Variants in PATJ observed in about 807,000 individuals in gnomAD.
PATJ encodes the protein PATJ crumbs cell polarity complex component.
PATJ carries 190 observed loss-of-function variants against 224.9 expected under a neutral mutation model. The ratio of observed to expected loss-of-function variants is 0.84; its 90% CI spans 0.75 to 0.95. The LOEUF is 0.95. PATJ is among the 40% of genes least tolerant of loss of function. The probability of loss-of-function intolerance (pLI) is 0.00; values close to 1 mark genes in which losing one functional copy is unlikely to be tolerated. For synonymous variants in PATJ, 769 were observed against 820.3 expected (o/e 0.94, Z 1.07); for missense variants, 2,121 against 2,270.3 (o/e 0.93, Z 1.34).
chr1:61,937,312 A>G (rs1677033851), intron 27 of PATJ, among the ~76,000 whole-genome samples: 1 of 152,072 alleles, frequency 6.6e-6, no homozygotes, highest in Non-Finnish European at 1.5e-5. Context: ...GGCTCACTGC[A>G]ACCTTGACCT....
At chr1:61,912,438 A>G (rs1224867073) in intron 25 of PATJ, among the ~76,000 whole-genome samples, 2 of 151,778 alleles carry the variant, frequency 1.3e-5, no homozygotes, top group Admixed American at 6.6e-5. Flanking sequence ...TATTAAAAAT[A>G]GAAAAAGTAG....
At chr1:61,769,167 A>T in intron 4 of PATJ, 116 bp from the exon 5 acceptor site, 1 of 870,686 alleles carries the variant, frequency 1.1e-6, no homozygotes, top group Non-Finnish European at 1.7e-6. Flanking sequence ...TGAAATGCTG[A>T]GTTTATGTGG....
chr1:61,956,914 C>G (rs1257435690), intron 27 of PATJ, among the ~76,000 whole-genome samples: 1 of 152,200 alleles, frequency 6.6e-6, no homozygotes, highest in Non-Finnish European at 1.5e-5. Flanking sequence ...TCACAGATCA[C>G]AGAACCTGCA....
At position 62,073,380 on chromosome 1, in the gene PATJ, T is replaced by C. The variant is rs1006021448; in HGVS notation, c.4126-6070T>C. 3.2e-6 allele frequency: 3 copies of C among 951,884 alleles called. No individual in the cohort carries two copies. The African/African-American group carries it at 5.3e-5, about 17-fold the overall frequency. The allele number at this position is 951,884 out of a possible 1,614,324, so 59.0% of individuals were successfully genotyped here. A position where few individuals can be genotyped will look rare whatever the true frequency, so the allele number is the denominator to read the frequency against. On this transcript the variant is annotated intron_variant, in intron 31 of 43. Coordinates refer to ENST00000642238, the MANE Select transcript of PATJ (RefSeq NM_001350145.3). ...GCTCATGCTTGTAATCCCACCACTT[T>C]GGGAGGCCAAGGCAGGCAGATTGCT... is the stretch of plus-strand genomic sequence containing the variant.
intron 31 of PATJ, among the ~76,000 whole-genome samples, chr1:62,071,506 T>A (rs1281971687): frequency 6.6e-6 from 1 of 150,390 alleles, no homozygotes; most frequent in Non-Finnish European, 1.5e-5. Context: ...TTTTTTTTTT[T>A]TTTTGAGACA....
intron 15 of PATJ, among the ~76,000 whole-genome samples, chr1:61,823,401 G>T (rs1286813): frequency 1.3e-5 from 2 of 151,952 alleles, no homozygotes; most frequent in Admixed American, 6.5e-5. Flanking sequence ...TTTATTTGCA[G>T]GTTTTATTGA....
chr1:61,813,009 C>T (rs1655172131), intron 14 of PATJ, among the ~76,000 whole-genome samples: 1 of 151,840 alleles, frequency 6.6e-6, no homozygotes, highest in Non-Finnish European at 1.5e-5. Context: ...TCCTGATTAG[C>T]TTTTTAGCCT....
chr1:61,756,563 CTT>C lies in PATJ; in HGVS notation c.-35-6271_-35-6270del, dbSNP rs370667808. On this transcript the variant is annotated intron_variant, in intron 1 of 43. Coordinates refer to ENST00000642238, the MANE Select transcript of PATJ (RefSeq NM_001350145.3). The stretch of plus-strand genomic sequence containing the variant: ...CTTATATATTGCTAAAACCAGGACA[CTT>C]TTTTTTTTTTTTTTTTTTTTTTTGG... 5.4e-3 allele frequency among the ~76,000 whole-genome samples: 352 copies of C among 65,622 alleles called. 4 individuals are homozygous for C. The highest frequency in any genetic ancestry group is 0.021 in the African/African-American group (319 of 15,242). The allele number at this position is 65,622 out of a possible 152,430, so 43.1% of individuals were successfully genotyped here. A position where few individuals can be genotyped will look rare whatever the true frequency, so the allele number is the denominator to read the frequency against.
chr1:62,003,314 A>G (rs1307118337), intron 28 of PATJ, among the ~76,000 whole-genome samples: 2 of 152,248 alleles, frequency 1.3e-5, no homozygotes, highest in African/African-American at 2.4e-5. Context: ...TTTCAAAAAC[A>G]TGTCAGGGTT....
chr1:61,935,803 T>A (rs1008414745), intron 27 of PATJ, among the ~76,000 whole-genome samples: 1 of 151,084 alleles, frequency 6.6e-6, no homozygotes, highest in Non-Finnish European at 1.5e-5. Context: ...AAAAAAAAAA[T>A]TAACCTGTGT....
chr1:61,875,167 C>T (rs1281021562), intron 20 of PATJ, 76 bp from the exon 21 acceptor site: 2 of 911,904 alleles, frequency 2.2e-6, no homozygotes, highest in African/African-American at 1.7e-5. Flanking sequence ...ATCATTATTA[C>T]TTGGCTTGAT....
At chr1:62,146,227 A>G (rs1018161028) in intron 41 of PATJ, among the ~76,000 whole-genome samples, 1 of 152,118 alleles carries the variant, frequency 6.6e-6, no homozygotes, top group African/African-American at 2.4e-5. Flanking sequence ...GGCCGGCACA[A>G]TGGGGCGGAG....
chr1:61,821,071 C>T (rs555842660), intron 14 of PATJ, among the ~76,000 whole-genome samples: 5 of 149,916 alleles, frequency 3.3e-5, no homozygotes, highest in Middle Eastern at 6.9e-3. Flanking sequence ...GGCTGAGTCT[C>T]GCTCTGTCGC....
intron 27 of PATJ, among the ~76,000 whole-genome samples, chr1:61,934,023 C>T (rs866254462): frequency 7.2e-5 from 11 of 152,210 alleles, no homozygotes; most frequent in African/African-American, 2.6e-4. Context: ...GCAACCTCTG[C>T]CTCCCGGGTT....
At chr1:61,926,273 C>A (rs889472321) in intron 26 of PATJ, among the ~76,000 whole-genome samples, 2 of 152,166 alleles carry the variant, frequency 1.3e-5, no homozygotes, top group African/African-American at 4.8e-5. Context: ...CTCTCACATG[C>A]AGTATCTGGC....
intron 11 of PATJ, among the ~76,000 whole-genome samples, chr1:61,798,097 C>T (rs115713958): frequency 0.055 from 8,421 of 152,274 alleles, 809 homozygotes; most frequent in African/African-American, 0.19. Context: ...TGAGCCACTG[C>T]GCCCAGCCAG....
At chr1:61,867,791 C>G (rs932315990) in intron 20 of PATJ, among the ~76,000 whole-genome samples, 2 of 152,080 alleles carry the variant, frequency 1.3e-5, no homozygotes, top group African/African-American at 4.8e-5. Flanking sequence ...TCAGGATGGG[C>G]TTGAATATTT....
intron 27 of PATJ, among the ~76,000 whole-genome samples, chr1:61,942,039 AATGATGTATCTTTCATTTGGCCTTC>A (rs1394958728): frequency 6.6e-6 from 1 of 152,204 alleles, no homozygotes; most frequent in Non-Finnish European, 1.5e-5. Flanking sequence ...TGGTGCCATG[AATGATGTATCTTTCATTTGGCCTTC>A]TGGAGGTCAA....
chr1:62,033,676 C>T (rs1649762340), intron 29 of PATJ, among the ~76,000 whole-genome samples: 1 of 152,166 alleles, frequency 6.6e-6, no homozygotes, highest in South Asian at 2.1e-4. Context: ...AGAAATGGCC[C>T]TTACATGAGG....
Sources: gnomAD v4.1 joint callset for allele counts (sites outside exome capture counted in the v4.1 genomes callset) on GRCh38, gnomAD v4.1.1 for gene constraint, MANE v1.5 for transcripts, NCBI Gene and HGNC (gene_info 2026-07-23, HGNC 2026-07-21) for gene names.